The following MECOM variants were observed in gnomAD, a reference collection of about 807,000 sequenced individuals.
MECOM encodes the protein histone-lysine N-methyltransferase MECOM.
In MECOM, 13 loss-of-function variants were observed where a neutral mutation model predicts 116.3. That is an observed-to-expected ratio of 0.11 (90% confidence interval 0.07 to 0.18). The LOEUF (loss-of-function observed/expected upper bound fraction) is 0.18. MECOM is among the 10% of genes least tolerant of loss of function. MECOM has a pLI of 1.00. For synonymous variants in MECOM, 528 were observed against 535.2 expected (o/e 0.99, Z 0.19); for missense variants, 1,299 against 1,509.0 (o/e 0.86, Z 2.31).
chr3:169,583,123 A>C (rs1389764757), intron 1 of MECOM, among the ~76,000 whole-genome samples: 3 of 152,204 alleles, frequency 2.0e-5, no homozygotes, highest in Non-Finnish European at 4.4e-5. Context: ...CAGTTTCTTC[A>C]ATCACAAAAT....
At chr3:169,607,032 T>C (rs1488469767) in intron 1 of MECOM, among the ~76,000 whole-genome samples, 1 of 152,064 alleles carries the variant, frequency 6.6e-6, no homozygotes, top group Non-Finnish European at 1.5e-5. Context: ...AAATTTGGAG[T>C]CTCCGCCATT....
At chr3:169,473,016 A>G in intron 1 of MECOM, 27 of 967,320 alleles carry the variant, frequency 2.8e-5, no homozygotes, top group Non-Finnish European at 3.3e-5. Flanking sequence ...AAAGATTTTT[A>G]AATCAGAGAA....
intron 2 of MECOM, among the ~76,000 whole-genome samples, chr3:169,237,915 A>T (rs907739634): frequency 6.6e-6 from 1 of 152,214 alleles, no homozygotes; most frequent in African/African-American, 2.4e-5. Context: ...GTTGGCTCAC[A>T]CCTGTAATCC....
intron 2 of MECOM, among the ~76,000 whole-genome samples, chr3:169,228,369 T>G (rs1415547974): frequency 6.6e-6 from 1 of 152,222 alleles, no homozygotes; most frequent in Non-Finnish European, 1.5e-5. Flanking sequence ...TCACTCATGA[T>G]GCAGGCGTAT....
chr3:169,254,404 G>T (rs1405483745), intron 2 of MECOM, among the ~76,000 whole-genome samples: 2 of 152,028 alleles, frequency 1.3e-5, no homozygotes, highest in Non-Finnish European at 2.9e-5. Context: ...TCTACCTAAG[G>T]CAGCAGACAC....
At chr3:169,312,356 A>G (rs1205594254) in intron 2 of MECOM, among the ~76,000 whole-genome samples, 1 of 148,816 alleles carries the variant, frequency 6.7e-6, no homozygotes. Context: ...AGAGGCAAGA[A>G]TGACTGCAAT....
At chr3:169,175,027 C>T (rs1047907434) in intron 2 of MECOM, among the ~76,000 whole-genome samples, 13 of 152,152 alleles carry the variant, frequency 8.5e-5, no homozygotes, top group African/African-American at 3.1e-4. Context: ...AGAATAGATA[C>T]TAGAGTCTGA....
At chr3:169,165,952 T>A (rs1203776514) in intron 2 of MECOM, among the ~76,000 whole-genome samples, 3 of 152,126 alleles carry the variant, frequency 2.0e-5, no homozygotes, top group Non-Finnish European at 4.4e-5. Flanking sequence ...TTTCAACAGC[T>A]TAAGTGAAGG....
intron 1 of MECOM, among the ~76,000 whole-genome samples, chr3:169,458,769 G>T (rs17487428): frequency 1.3e-5 from 2 of 152,124 alleles, no homozygotes; most frequent in Non-Finnish European, 2.9e-5. Flanking sequence ...AAATGTAGCC[G>T]CACACTGGAC....
chr3:169,291,650 A>T (rs1385832533), intron 2 of MECOM, among the ~76,000 whole-genome samples: 2 of 152,224 alleles, frequency 1.3e-5, no homozygotes, highest in East Asian at 3.8e-4. Flanking sequence ...CATTGGATAT[A>T]GTCATTGTTA....
chr3:169,583,450 C>T (rs1241982026), intron 1 of MECOM, among the ~76,000 whole-genome samples: 1 of 152,032 alleles, frequency 6.6e-6, no homozygotes, highest in African/African-American at 2.4e-5. Context: ...GTTGTCCTCT[C>T]TCTCCCCCTC....
intron 2 of MECOM, among the ~76,000 whole-genome samples, chr3:169,347,772 C>T (rs1434350567): frequency 6.6e-6 from 1 of 152,012 alleles, no homozygotes; most frequent in East Asian, 1.9e-4. Context: ...TGACAGGCCT[C>T]TGTGAACATA....
chr3:169,454,483 T>C (rs1578145050), intron 1 of MECOM, among the ~76,000 whole-genome samples: 1 of 151,732 alleles, frequency 6.6e-6, no homozygotes, highest in African/African-American at 2.4e-5. Flanking sequence ...AAAAGTACAG[T>C]GTTTTCCAGA....
intron 2 of MECOM, among the ~76,000 whole-genome samples, chr3:169,291,792 C>T (rs1406409743): frequency 6.6e-6 from 1 of 152,140 alleles, no homozygotes; most frequent in Non-Finnish European, 1.5e-5. Context: ...ATGGAGATAG[C>T]TACTCTGCAT....
intron 1 of MECOM, among the ~76,000 whole-genome samples, chr3:169,603,098 T>A (rs2109757847): frequency 6.6e-6 from 1 of 152,216 alleles, no homozygotes; most frequent in African/African-American, 2.4e-5. Context: ...ACACATCACA[T>A]CATGAGGTTT....
intron 16 of MECOM, among the ~76,000 whole-genome samples, chr3:169,088,775 A>G (rs1268302844): frequency 6.6e-6 from 1 of 152,196 alleles, no homozygotes; most frequent in Non-Finnish European, 1.5e-5. Flanking sequence ...GGGGCTTGTC[A>G]TAAAATTTCT....
intron 2 of MECOM, among the ~76,000 whole-genome samples, chr3:169,356,535 C>T: frequency 6.6e-6 from 1 of 151,876 alleles, no homozygotes; most frequent in East Asian, 1.9e-4. Flanking sequence ...GAACATAAGA[C>T]AAAAAAGTGG....
At chr3:169,193,346 T>G (rs146700225) in intron 2 of MECOM, among the ~76,000 whole-genome samples, 1 of 152,016 alleles carries the variant, frequency 6.6e-6, no homozygotes, top group African/African-American at 2.4e-5. Context: ...AAAAAAATAG[T>G]TCTCAACTCT....
At chr3:169,115,292 A>T in intron 8 of MECOM, 91 bp downstream of exon 8, 1 of 1,313,650 alleles carries the variant, frequency 7.6e-7, no homozygotes, top group South Asian at 1.6e-5. Context: ...AATAATAGTA[A>T]AAATGATGTG....
Sources: allele counts gnomAD v4.1 joint callset (sites outside exome capture counted in the v4.1 genomes callset), GRCh38; gene constraint gnomAD v4.1.1; transcripts MANE v1.5; gene names NCBI Gene and HGNC (gene_info 2026-07-23, HGNC 2026-07-21).